Variants in GFRA2 observed in about 807,000 individuals in gnomAD.
GFRA2 encodes the protein GDNF family receptor alpha 2, also known as GDNF family receptor alpha-2.
Under a neutral mutation model 48.3 loss-of-function variants are expected in GFRA2, and 17 were observed. The ratio of observed to expected loss-of-function variants is 0.35; its 90% CI spans 0.24 to 0.53. GFRA2 has a LOEUF of 0.53. GFRA2 is among the 20% of genes least tolerant of loss of function. The pLI is 0.93. For missense variants in GFRA2, 660 were observed against 637.3 expected (o/e 1.04, Z -0.38); for synonymous variants, 305 against 257.2 (o/e 1.19, Z -1.78).
chr8:21,793,807 A>C (rs1807620268), upstream of GFRA2, among the ~76,000 whole-genome samples: 1 of 151,690 alleles, frequency 6.6e-6, no homozygotes. Context: ...AACACCTAAG[A>C]TATCCTCTTC....
At position 21,713,387 on chromosome 8, in the gene GFRA2, G is replaced by A. The variant is rs1400572446; in HGVS notation, c.795-7346C>T. Among the ~76,000 whole-genome samples, 3 of 151,986 alleles carry A rather than the reference G, an allele frequency of 2.0e-5. No homozygotes were observed. In the East Asian group the frequency reaches 5.9e-4, roughly 30 times the overall value. On this transcript the variant is annotated intron_variant, in intron 4 of 8. Transcript: ENST00000524240. ...GTTTTTGTATTTTTAATAGAGATGG[G>A]ATTTCACCTTGTTGGCCAAGCTGGT...
chr8:21,721,161 A>T (rs979922068), intron 4 of GFRA2, among the ~76,000 whole-genome samples: 2 of 152,160 alleles, frequency 1.3e-5, no homozygotes, highest in Non-Finnish European at 2.9e-5. Flanking sequence ...TTATAGGCAG[A>T]TCTTCAGCTA....
At chr8:21,737,005 C>G (rs1228835554) in intron 4 of GFRA2, among the ~76,000 whole-genome samples, 2 of 151,754 alleles carry the variant, frequency 1.3e-5, no homozygotes, top group Admixed American at 1.3e-4. Flanking sequence ...ACAGCAGGTC[C>G]GAGTTACACA....
At chr8:21,721,915 G>C (rs1486389589) in intron 4 of GFRA2, among the ~76,000 whole-genome samples, 1 of 152,178 alleles carries the variant, frequency 6.6e-6, no homozygotes, top group Non-Finnish European at 1.5e-5. Flanking sequence ...TCCATTCCAA[G>C]CCTTCTAGAG....
intron 3 of GFRA2, among the ~76,000 whole-genome samples, chr8:21,770,088 G>T (rs898605974): frequency 2.6e-5 from 4 of 152,156 alleles, no homozygotes. Context: ...CATGATGGCC[G>T]TCCCCACCCA....
intron 2 of GFRA2, among the ~76,000 whole-genome samples, chr8:21,799,262 G>C (rs1336428440): frequency 2.0e-5 from 3 of 151,402 alleles, no homozygotes; most frequent in African/African-American, 7.3e-5. Context: ...CTGTCACCCA[G>C]GCTGGAGTGC....
chr8:21,742,325 A>G (rs547096477), intron 4 of GFRA2, among the ~76,000 whole-genome samples: 3 of 152,164 alleles, frequency 2.0e-5, no homozygotes, highest in Admixed American at 2.0e-4. Context: ...CAACAGATTG[A>G]TCTCTCTCTT....
chr8:21,700,910 C>G (rs575968906), intron 7 of GFRA2, among the ~76,000 whole-genome samples: 1 of 152,082 alleles, frequency 6.6e-6, no homozygotes, highest in Non-Finnish European at 1.5e-5. Context: ...TAACACCCTA[C>G]GACCCCACAA....
chr8:21,810,512 G>A (rs1807958304), intron 1 of GFRA2, among the ~76,000 whole-genome samples: 1 of 152,180 alleles, frequency 6.6e-6, no homozygotes, highest in Non-Finnish European at 1.5e-5. Context: ...CAAAAGAACT[G>A]GGCCACAGGG....
At chr8:21,727,039 C>T (rs1803905430) in intron 4 of GFRA2, among the ~76,000 whole-genome samples, 2 of 152,134 alleles carry the variant, frequency 1.3e-5, no homozygotes, top group African/African-American at 2.4e-5. Flanking sequence ...CATGAGCCAC[C>T]GTGCCCAGCC....
At position 21,788,424 on chromosome 8, in the gene GFRA2, C is replaced by G; in HGVS notation, c.-265G>C. The G allele has an allele frequency of 3.2e-6, 4 of 1,250,338 alleles. No individual in the cohort carries two copies. The highest frequency in any genetic ancestry group is 3.0e-6 in the Non-Finnish European group (3 of 997,226). 77.5% of individuals were successfully genotyped at this position (1,250,338 alleles called of 1,614,324 possible). On this transcript the variant is annotated 5_prime_UTR_variant, in exon 1 of 9. Coordinates refer to ENST00000524240, the MANE Select transcript of GFRA2 (RefSeq NM_001495.5). The stretch of plus-strand genomic sequence containing the variant: ...ATCAAATATACGCGTATCTGTGTAT[C>G]GGCTTTCTAAGCCAACAGCCCAGTC...
intron 2 of GFRA2, among the ~76,000 whole-genome samples, chr8:21,795,495 C>T (rs1281616209): frequency 6.6e-5 from 10 of 152,136 alleles, no homozygotes; most frequent in East Asian, 1.9e-4. Flanking sequence ...CAGGTTCAAG[C>T]GATTCTCATG....
At chr8:21,746,365 C>T (rs1487827563) in intron 4 of GFRA2, among the ~76,000 whole-genome samples, 3 of 152,168 alleles carry the variant, frequency 2.0e-5, no homozygotes, top group Non-Finnish European at 4.4e-5. Context: ...GCCCTCATTC[C>T]TTCCCTACCT....
chr8:21,691,300 A>G lies in GFRA2; in HGVS notation c.*1978T>C, dbSNP rs138217099. The G allele has an allele frequency of 6.6e-6, 1 of 152,408 alleles. No individual in the cohort carries two copies. Among genetic ancestry groups the G allele is most frequent in the Non-Finnish European group, 1.5e-5 (1 of 68,064 alleles). 9.4% of individuals were successfully genotyped at this position (152,408 alleles called of 1,614,324 possible). A position where few individuals can be genotyped will look rare whatever the true frequency, so the allele number is the denominator to read the frequency against. On this transcript the variant is annotated 3_prime_UTR_variant, in exon 9 of 9. Coordinates refer to ENST00000524240, the MANE Select transcript of GFRA2 (RefSeq NM_001495.5). ...CACACGACCGCACACACATGTACAC[A>G]TGCTCACATACATGGACACACACAC...
In GFRA2 at chr8:21,750,425, T is replaced by A. The variant is rs1456703253; in HGVS notation, c.794+163A>T. Among the ~76,000 whole-genome samples the A allele has an allele frequency of 6.6e-6, 1 of 152,114 alleles. No individual in the cohort carries two copies. Among genetic ancestry groups the A allele is most frequent in the African/African-American group, 2.4e-5 (1 of 41,412 alleles). ...ATGAATGGATGAATGAAATGGAAAA[T>A]TCATTTTGCACATGTCCAAGTCAGT... On this transcript the variant is annotated intron_variant, in intron 4 of 8. Transcript: ENST00000524240. The surrounding 1 kb of genome is among the most constrained non-coding windows in gnomAD (Gnocchi z 5.7).
Position 21,729,498 on chromosome 8 carries a change from G to A in GFRA2, c.794+21090C>T, listed in dbSNP as rs1444375748. Among the ~76,000 whole-genome samples, 7 of 152,154 alleles carry A rather than the reference G, an allele frequency of 4.6e-5. 1 individual carries two copies. The South Asian group carries it at 8.3e-4, about 18-fold the overall frequency. ...AGAGTGAAAGCTGGGCCTGGGAGAC[G>A]CCCCCCTGCCCTTCCTCGCACTTAC... On this transcript the variant is annotated intron_variant, in intron 4 of 8. Transcript: ENST00000524240.
At chr8:21,721,865 TATATTC>T (rs1803613817) in intron 4 of GFRA2, among the ~76,000 whole-genome samples, 2 of 152,080 alleles carry the variant, frequency 1.3e-5, no homozygotes, top group African/African-American at 4.8e-5. Context: ...ACAGGGCAAA[TATATTC>T]TCGGAGTCAC....
At chr8:21,706,253 C>A in intron 4 of GFRA2, 2 of 652,590 alleles carry the variant, frequency 3.1e-6, no homozygotes, top group Non-Finnish European at 5.6e-6. Context: ...GAGAGACAGG[C>A]ACATAGTGCG....
chr8:21,699,870 T>C (rs988661809), intron 7 of GFRA2, among the ~76,000 whole-genome samples: 2 of 152,200 alleles, frequency 1.3e-5, no homozygotes, highest in Admixed American at 1.3e-4. Context: ...TGCCAGGCAC[T>C]GTGCACCCAG....
Sources: allele counts gnomAD v4.1 joint callset (sites outside exome capture counted in the v4.1 genomes callset), GRCh38; gene constraint gnomAD v4.1.1; non-coding constraint Gnocchi (gnomAD v3.1); transcripts MANE v1.5; gene names NCBI Gene and HGNC (gene_info 2026-07-23, HGNC 2026-07-21).